CCBE1: variants seen among roughly 807,000 people sequenced by gnomAD.
The protein encoded by CCBE1 is collagen and calcium binding EGF domains 1, also known as collagen and calcium-binding EGF domain-containing protein 1.
A neutral mutation model predicts 50.0 loss-of-function variants in CCBE1; 37 were observed. The ratio of observed to expected loss-of-function variants is 0.74; its 90% CI spans 0.57 to 0.97. The LOEUF (loss-of-function observed/expected upper bound fraction) is 0.97, where lower values mean the gene tolerates loss of function less well. CCBE1 is among the 50% of genes least tolerant of loss of function. CCBE1 has a pLI of 0.00. For missense variants in CCBE1, 538 were observed against 523.8 expected (o/e 1.03, Z -0.26); for synonymous variants, 234 against 203.7 (o/e 1.15, Z -1.27).
At chr18:59,478,864 A>C (rs1912435926) in intron 3 of CCBE1, among the ~76,000 whole-genome samples, 1 of 152,250 alleles carries the variant, frequency 6.6e-6, no homozygotes, top group Non-Finnish European at 1.5e-5. Context: ...TATAACCAAC[A>C]GAATTGAGAA....
At position 59,670,592 on chromosome 18, in the gene CCBE1, G is replaced by A. The variant is rs145065764; in HGVS notation, c.212+26037C>T. On this transcript the variant is annotated intron_variant, in intron 2 of 10. Transcript: ENST00000439986. ...CCATATGAAAGTTTCAAAGTGGACC[G>A]GTCTATCTCTTCCTTAGCAAGTGAT... Among the ~76,000 whole-genome samples the A allele has an allele frequency of 2.2e-3, 333 of 152,194 alleles. 2 individuals are homozygous for A. The highest frequency in any genetic ancestry group is 7.4e-3 in the African/African-American group (309 of 41,506).
intron 3 of CCBE1, among the ~76,000 whole-genome samples, chr18:59,470,969 G>A (rs947380812): frequency 6.6e-6 from 1 of 152,224 alleles, no homozygotes; most frequent in Non-Finnish European, 1.5e-5. Context: ...TGCTTTGCCT[G>A]CATGGTGTTC....
intron 2 of CCBE1, among the ~76,000 whole-genome samples, chr18:59,580,323 C>T (rs562840649): frequency 1.6e-4 from 24 of 152,162 alleles, no homozygotes; most frequent in Non-Finnish European, 2.5e-4. Flanking sequence ...CAAGTTGTCC[C>T]GCTTTACTTT....
chr18:59,565,744 G>GT (rs1408737124), intron 2 of CCBE1, among the ~76,000 whole-genome samples: 1 of 151,920 alleles, frequency 6.6e-6, no homozygotes, highest in East Asian at 1.9e-4. Context: ...GGGAAGACGG[G>GT]TTGTCACTAG....
At chr18:59,568,547 A>G (rs146880444) in intron 2 of CCBE1, 132 of 152,220 alleles carry the variant, frequency 8.7e-4, no homozygotes, top group African/African-American at 3.1e-3. Context: ...TCTTCTGATT[A>G]CTCCCTTTCT....
At chr18:59,502,551 T>C (rs930820159) in intron 2 of CCBE1, among the ~76,000 whole-genome samples, 3 of 152,176 alleles carry the variant, frequency 2.0e-5, no homozygotes, top group Non-Finnish European at 2.9e-5. Flanking sequence ...CATGGCACAC[T>C]TTCAATTATT....
intron 2 of CCBE1, among the ~76,000 whole-genome samples, chr18:59,571,670 A>G (rs1187210724): frequency 6.6e-6 from 1 of 152,260 alleles, no homozygotes; most frequent in Non-Finnish European, 1.5e-5. Context: ...AAGTACTAAA[A>G]TGAATAAATG....
At position 59,652,248 on chromosome 18, in the gene CCBE1, TA is replaced by T. The variant is rs1352251634; in HGVS notation, c.212+44380del. 5.9e-5 allele frequency among the ~76,000 whole-genome samples: 9 copies of T among 152,326 alleles called. No individual in the cohort carries two copies. The South Asian group carries it at 1.7e-3, about 28-fold the overall frequency. On this transcript the variant is annotated intron_variant, in intron 2 of 10. Coordinates refer to ENST00000439986, the MANE Select transcript of CCBE1 (RefSeq NM_133459.4). Reference sequence around the variant, plus strand: ...TTCACTTACATACTACACCTTTCTTTAAAAATCTCAGCCTTGGAATCGAAGA... The same window carrying T: ...TTCACTTACATACTACACCTTTCTTTAAAATCTCAGCCTTGGAATCGAAGA...
At chr18:59,533,875 C>G (rs1032332237) in intron 2 of CCBE1, among the ~76,000 whole-genome samples, 3 of 152,140 alleles carry the variant, frequency 2.0e-5, no homozygotes, top group East Asian at 1.9e-4. Flanking sequence ...ATACAATATG[C>G]GTGAAAACAC....
intron 2 of CCBE1, among the ~76,000 whole-genome samples, chr18:59,534,338 T>C (rs1351965632): frequency 6.6e-6 from 1 of 152,250 alleles, no homozygotes; most frequent in Non-Finnish European, 1.5e-5. Context: ...CCTGAGGTTT[T>C]TGTCTTGTCC....
intron 2 of CCBE1, among the ~76,000 whole-genome samples, chr18:59,574,104 C>G (rs1274140053): frequency 5.3e-5 from 8 of 152,122 alleles, no homozygotes; most frequent in Non-Finnish European, 7.4e-5. Context: ...ACCCAGGTGC[C>G]CAGTAACTCC....
In CCBE1 at chr18:59,692,376, G is replaced by C. The variant is rs147667825; in HGVS notation, c.212+4253C>G. On this transcript the variant is annotated intron_variant, in intron 2 of 10. Transcript: ENST00000439986. ...TTACAGATGAGAAAATTAAAGCACA[G>C]ATATTAAAACTGCTCAAGGTCACAA... Among the ~76,000 whole-genome samples, 555 of 152,308 alleles carry C rather than the reference G, an allele frequency of 3.6e-3. 3 individuals carry two copies. Among genetic ancestry groups the C allele is most frequent in the African/African-American group, 0.013 (530 of 41,566 alleles).
chr18:59,688,980 T>A (rs970371948), intron 2 of CCBE1, among the ~76,000 whole-genome samples: 7 of 152,142 alleles, frequency 4.6e-5, no homozygotes, highest in Non-Finnish European at 8.8e-5. Flanking sequence ...GGAGTCAAGT[T>A]TTCTTTTGTA....
chr18:59,688,711 T>C (rs1274821405), intron 2 of CCBE1, among the ~76,000 whole-genome samples: 2 of 152,218 alleles, frequency 1.3e-5, no homozygotes, highest in East Asian at 3.8e-4. Context: ...GAGTATCACT[T>C]AGGAATGATG....
At position 59,558,909 on chromosome 18, in the gene CCBE1, T is replaced by C. The variant is rs149563259; in HGVS notation, c.213-78671A>G. On this transcript the variant is annotated intron_variant, in intron 2 of 10. Coordinates refer to ENST00000439986, the MANE Select transcript of CCBE1 (RefSeq NM_133459.4). The stretch of plus-strand genomic sequence containing the variant: ...GAAAGCTGTTGAAGAGAGCTACTGC[T>C]GAATAAAATCACGTTTCACCTGCCT... Among the ~76,000 whole-genome samples the C allele has an allele frequency of 1.6e-3, 240 of 152,370 alleles. 2 individuals carry two copies. The highest frequency in any genetic ancestry group is 5.3e-3 in the African/African-American group (219 of 41,580).
intron 2 of CCBE1, among the ~76,000 whole-genome samples, chr18:59,614,035 G>C (rs999576704): frequency 6.6e-6 from 1 of 152,026 alleles, no homozygotes. Context: ...TTGAGGTGGA[G>C]TCTCGCTCTG....
At chr18:59,676,415 A>G (rs569392355) in intron 2 of CCBE1, among the ~76,000 whole-genome samples, 21 of 152,242 alleles carry the variant, frequency 1.4e-4, no homozygotes, top group African/African-American at 4.6e-4. Flanking sequence ...GCTCTATTTC[A>G]TATGTCTCCT....
intron 2 of CCBE1, among the ~76,000 whole-genome samples, chr18:59,574,204 A>C (rs1343295652): frequency 1.3e-5 from 2 of 152,214 alleles, no homozygotes; most frequent in Admixed American, 1.3e-4. Flanking sequence ...TTTTTCACTG[A>C]GTCTAGATTA....
intron 2 of CCBE1, among the ~76,000 whole-genome samples, chr18:59,650,352 G>A (rs992796909): frequency 6.6e-6 from 1 of 150,394 alleles, no homozygotes; most frequent in Non-Finnish European, 1.5e-5. Context: ...AGCAGAAGAG[G>A]CTCCAGACCT....
Sources: gnomAD v4.1 joint callset for allele counts (sites outside exome capture counted in the v4.1 genomes callset) on GRCh38, gnomAD v4.1.1 for gene constraint, MANE v1.5 for transcripts, NCBI Gene and HGNC (gene_info 2026-07-23, HGNC 2026-07-21) for gene names.